Variants in CRB1 observed in about 807,000 individuals in gnomAD.
CRB1 encodes the protein crumbs cell polarity complex component 1.
In CRB1, 83 loss-of-function variants were observed where a neutral mutation model predicts 120.0. That is an observed-to-expected ratio of 0.69 (90% CI 0.58 to 0.83). The LOEUF (loss-of-function observed/expected upper bound fraction) is 0.83. Among genes scored for constraint, CRB1 ranks in the 40% least tolerant of loss-of-function variants. The pLI is 0.00. For missense variants in CRB1, 1,699 were observed against 1,687.6 expected, an observed-to-expected ratio of 1.01 and a Z score of -0.12; for synonymous variants, 625 against 612.5, an observed-to-expected ratio of 1.02 and a Z score of -0.30.
the CRB1 span, among the ~76,000 whole-genome samples, chr1:197,218,418 A>G: frequency 6.6e-6 from 1 of 152,210 alleles, no homozygotes; most frequent in Non-Finnish European, 1.5e-5. Flanking sequence ...CTCATATATG[A>G]GTATGGATTT....
chr1:197,453,806 A>C (rs1666110642), intron 11 of CRB1, among the ~76,000 whole-genome samples: 1 of 143,184 alleles, frequency 7.0e-6, no homozygotes, highest in Non-Finnish European at 1.5e-5. Flanking sequence ...TATTAATAAT[A>C]ATATATTGTT....
the CRB1 span, among the ~76,000 whole-genome samples, chr1:197,260,719 C>T: frequency 2.7e-5 from 4 of 147,120 alleles, no homozygotes; most frequent in Admixed American, 1.3e-4. Context: ...TTTTTTGAGA[C>T]GGAATCTCGC....
At chr1:197,457,019 T>C (rs1424903405) in intron 11 of CRB1, among the ~76,000 whole-genome samples, 2 of 152,164 alleles carry the variant, frequency 1.3e-5, no homozygotes, top group East Asian at 1.9e-4. Context: ...TGCTGCAATA[T>C]TGAAAAGACA....
chr1:197,251,693 AT>A, the CRB1 span, among the ~76,000 whole-genome samples: 2 of 151,682 alleles, frequency 1.3e-5, no homozygotes, highest in African/African-American at 4.8e-5. Flanking sequence ...AATTCCTTAA[AT>A]TTTTTTCTAT....
At chr1:197,361,772 A>T (rs1385525310) in intron 5 of CRB1, among the ~76,000 whole-genome samples, 6 of 151,026 alleles carry the variant, frequency 4.0e-5, no homozygotes, top group Admixed American at 1.3e-4. Flanking sequence ...TTTTTTTTAA[A>T]AAAATAGCTT....
chr1:197,398,892 T>TTGTGTGTGTG (rs140149936), intron 5 of CRB1, among the ~76,000 whole-genome samples: 266 of 136,390 alleles, frequency 2.0e-3, no homozygotes, highest in East Asian at 0.016. Flanking sequence ...CAGGAAATGA[T>TTGTGTGTGTG]TGTGTGTGTG....
chr1:197,417,142 T>C (rs1036848881), intron 5 of CRB1, among the ~76,000 whole-genome samples: 1 of 152,222 alleles, frequency 6.6e-6, no homozygotes, highest in Non-Finnish European at 1.5e-5. Context: ...AATTGAGGGC[T>C]GGATGCCACA....
At chr1:197,349,229 G>C (rs919591496) in intron 4 of CRB1, among the ~76,000 whole-genome samples, 2 of 152,154 alleles carry the variant, frequency 1.3e-5, no homozygotes, top group Non-Finnish European at 2.9e-5. Flanking sequence ...AGCAGCAATA[G>C]ACTATACCCT....
At chr1:197,406,269 AC>A (rs1442786409) in intron 5 of CRB1, among the ~76,000 whole-genome samples, 1 of 152,120 alleles carries the variant, frequency 6.6e-6, no homozygotes, top group East Asian at 1.9e-4. Flanking sequence ...TTGATCTGTG[AC>A]CTTACCCCCA....
At chr1:197,364,929 C>G (rs1342442448) in intron 5 of CRB1, among the ~76,000 whole-genome samples, 1 of 151,940 alleles carries the variant, frequency 6.6e-6, no homozygotes. Context: ...TTTACTGATC[C>G]TTGTGATGAC....
the CRB1 span, among the ~76,000 whole-genome samples, chr1:197,257,874 T>C: frequency 6.6e-6 from 1 of 152,194 alleles, no homozygotes; most frequent in Non-Finnish European, 1.5e-5. Flanking sequence ...GCTCTGCTGC[T>C]GTACTAGCAC....
At chr1:197,308,231 G>A (rs778283815) in intron 1 of CRB1, among the ~76,000 whole-genome samples, 2 of 152,080 alleles carry the variant, frequency 1.3e-5, no homozygotes, top group Admixed American at 6.6e-5. Context: ...GGAGCTAAAC[G>A]TTAAGCACAC....
At chr1:197,391,744 TA>T (rs1285251086) in intron 5 of CRB1, among the ~76,000 whole-genome samples, 1 of 152,038 alleles carries the variant, frequency 6.6e-6, no homozygotes, top group African/African-American at 2.4e-5. Context: ...TGTGCTGACA[TA>T]ATTGAAAGGC....
At chr1:197,222,768 C>T in the CRB1 span, 3 of 1,120,350 alleles carry the variant, frequency 2.7e-6, no homozygotes, top group Non-Finnish European at 4.1e-6. Flanking sequence ...TCTTTCTGAA[C>T]TCCAAGTGCT....
the CRB1 span, among the ~76,000 whole-genome samples, chr1:197,239,996 C>G: frequency 6.6e-6 from 1 of 151,170 alleles, no homozygotes; most frequent in Admixed American, 6.6e-5. Flanking sequence ...CCTTTATGCC[C>G]CCTTACTCTC....
chr1:197,351,621 A>C (rs1660112959), intron 4 of CRB1, among the ~76,000 whole-genome samples: 1 of 152,196 alleles, frequency 6.6e-6, no homozygotes, highest in South Asian at 2.1e-4. Flanking sequence ...AGATGATCAA[A>C]GAAAATAACA....
At chr1:197,304,308 G>C in intron 1 of CRB1, 1 of 588,630 alleles carries the variant, frequency 1.7e-6, no homozygotes, top group Non-Finnish European at 2.1e-6. Context: ...ATTTTCTAAT[G>C]GTTACATTTT....
chr1:197,408,725 A>G (rs1571494498), intron 5 of CRB1, among the ~76,000 whole-genome samples: 1 of 152,170 alleles, frequency 6.6e-6, no homozygotes, highest in African/African-American at 2.4e-5. Flanking sequence ...AAGACAAGGG[A>G]AAAAAGGACC....
chr1:197,429,226 A>G, intron 7 of CRB1: 1 of 1,457,508 alleles, frequency 6.9e-7, no homozygotes, highest in South Asian at 1.4e-5. Flanking sequence ...GATCAATTTT[A>G]TATCTTTTCT....
Sources: gnomAD v4.1 joint callset for allele counts (sites outside exome capture counted in the v4.1 genomes callset) on GRCh38, gnomAD v4.1.1 for gene constraint, MANE v1.5 for transcripts, NCBI Gene and HGNC (gene_info 2026-07-23, HGNC 2026-07-21) for gene names.